Variants in DPP6 observed in about 807,000 individuals in gnomAD.
DPP6 encodes A-type potassium channel modulatory protein DPP6.
In DPP6, 69 loss-of-function variants were observed where a neutral mutation model predicts 122.6. The ratio of observed to expected loss-of-function variants is 0.56; its 90% CI spans 0.46 to 0.69. DPP6 has a LOEUF of 0.69. Among genes scored for constraint, DPP6 ranks in the 30% least tolerant of loss-of-function variants. DPP6 has a pLI of 0.00. For synonymous variants in DPP6, 418 were observed against 433.1 expected, an observed-to-expected ratio of 0.97 and a Z score of 0.43; for missense variants, 928 against 1,116.9, an observed-to-expected ratio of 0.83 and a Z score of 2.41.
At chr7:154,192,339 A>G (rs575477346) in intron 1 of DPP6, among the ~76,000 whole-genome samples, 36 of 152,214 alleles carry the variant, frequency 2.4e-4, no homozygotes, top group South Asian at 8.3e-4. Context: ...CATCCTCCAA[A>G]TCCCACAAAT....
intron 1 of DPP6, among the ~76,000 whole-genome samples, chr7:154,175,145 T>G (rs964526798): frequency 1.3e-5 from 2 of 152,242 alleles, no homozygotes; most frequent in South Asian, 4.1e-4. Flanking sequence ...TACTTAATAC[T>G]GCCCATCACA....
intron 1 of DPP6, among the ~76,000 whole-genome samples, chr7:154,391,317 C>T (rs1009636552): frequency 1.4e-4 from 21 of 149,796 alleles, no homozygotes; most frequent in Admixed American, 4.0e-4. Flanking sequence ...CACCGATGCC[C>T]CTGTACCTCC....
intron 5 of DPP6, among the ~76,000 whole-genome samples, chr7:154,609,590 TGCACAC>T (rs1371030049): frequency 1.3e-5 from 2 of 152,182 alleles, no homozygotes; most frequent in Non-Finnish European, 2.9e-5. Flanking sequence ...CACATGCACA[TGCACAC>T]ACATATACTT....
chr7:154,115,652 C>T lies in DPP6; in HGVS notation c.243+62589C>T, dbSNP rs147130527. Among the ~76,000 whole-genome samples the T allele has an allele frequency of 2.9e-4, 44 of 152,214 alleles. No homozygotes were observed. The East Asian group carries it at 5.6e-3, about 20-fold the overall frequency. On this transcript the variant is annotated intron_variant, in intron 1 of 25. Transcript: ENST00000377770. Reference sequence around the variant, plus strand: ...CTACTGATGACACTTGTACTTGTTGCGGTGTGTCCATTGTAGTGGGAAGAG... The same window carrying T: ...CTACTGATGACACTTGTACTTGTTGTGGTGTGTCCATTGTAGTGGGAAGAG...
chr7:154,198,101 G>A (rs1273279054), intron 1 of DPP6, among the ~76,000 whole-genome samples: 1 of 152,084 alleles, frequency 6.6e-6, no homozygotes, highest in Non-Finnish European at 1.5e-5. Context: ...GCAAACTTAC[G>A]ATCATCCTGG....
intron 1 of DPP6, among the ~76,000 whole-genome samples, chr7:153,923,112 C>G (rs1006988497): frequency 6.6e-6 from 1 of 152,182 alleles, no homozygotes; most frequent in Non-Finnish European, 1.5e-5. Context: ...CCAGCTGCCG[C>G]CAAACAGCCA....
chr7:154,147,272 C>G (rs1796141194), intron 1 of DPP6, among the ~76,000 whole-genome samples: 1 of 152,194 alleles, frequency 6.6e-6, no homozygotes, highest in Non-Finnish European at 1.5e-5. Context: ...TAGCTCACTT[C>G]CTTCCTGCCC....
At chr7:154,516,767 T>G (rs568015942) in intron 3 of DPP6, among the ~76,000 whole-genome samples, 1 of 152,170 alleles carries the variant, frequency 6.6e-6, no homozygotes, top group South Asian at 2.1e-4. Flanking sequence ...ATGGTCAAAC[T>G]TACAAAATCT....
At chr7:154,224,049 G>A (rs1800455387) in intron 1 of DPP6, among the ~76,000 whole-genome samples, 1 of 146,814 alleles carries the variant, frequency 6.8e-6, no homozygotes, top group Non-Finnish European at 1.5e-5. Flanking sequence ...GAGACACACA[G>A]CCTGACTATC....
chr7:154,705,749 C>T (rs371705222), intron 7 of DPP6, among the ~76,000 whole-genome samples: 1 of 152,226 alleles, frequency 6.6e-6, no homozygotes. Context: ...TGGAGGTCAC[C>T]ACTACAGCAG....
At chr7:154,288,276 G>A (rs1014446231) in intron 1 of DPP6, among the ~76,000 whole-genome samples, 1 of 152,216 alleles carries the variant, frequency 6.6e-6, no homozygotes, top group African/African-American at 2.4e-5. Flanking sequence ...GAGGCAGCAG[G>A]TGAGCAGAAG....
At chr7:154,874,542 A>C (rs1342752060) in intron 19 of DPP6, among the ~76,000 whole-genome samples, 1 of 152,196 alleles carries the variant, frequency 6.6e-6, no homozygotes, top group Non-Finnish European at 1.5e-5. Context: ...ATCCAAAAGA[A>C]AACAAAGGCA....
chr7:154,267,239 A>G (rs533678976), intron 1 of DPP6, among the ~76,000 whole-genome samples: 2 of 151,044 alleles, frequency 1.3e-5, no homozygotes, highest in African/African-American at 4.8e-5. Context: ...GATATAATAG[A>G]TTTTCATTTT....
At chr7:154,556,252 T>C (rs73163091) in intron 4 of DPP6, among the ~76,000 whole-genome samples, 23,241 of 152,204 alleles carry the variant, frequency 0.15, 2,052 homozygotes, top group Non-Finnish European at 0.2. Context: ...TACAGAGGCA[T>C]AAAAAATTGA....
intron 16 of DPP6, among the ~76,000 whole-genome samples, chr7:154,822,074 C>T (rs1423147497): frequency 2.6e-5 from 4 of 152,064 alleles, no homozygotes; most frequent in African/African-American, 7.2e-5. Context: ...GTCACATCCT[C>T]GCTCCCTCCT....
At chr7:153,930,523 TATAC>T (rs1394191781) in intron 1 of DPP6, among the ~76,000 whole-genome samples, 2 of 152,228 alleles carry the variant, frequency 1.3e-5, no homozygotes, top group African/African-American at 4.8e-5. Context: ...TGTTTTGAAA[TATAC>T]ATACACTGTG....
At chr7:154,383,224 A>C (rs1813782809) in intron 1 of DPP6, among the ~76,000 whole-genome samples, 1 of 152,234 alleles carries the variant, frequency 6.6e-6, no homozygotes, top group Admixed American at 6.5e-5. Context: ...AACAGGCTGA[A>C]GTGGAAATGT....
At chr7:154,201,940 CAG>C (rs1190420980) in intron 1 of DPP6, among the ~76,000 whole-genome samples, 1 of 152,174 alleles carries the variant, frequency 6.6e-6, no homozygotes, top group Non-Finnish European at 1.5e-5. Context: ...TCTTGTATCA[CAG>C]AGTTACTCCA....
intron 1 of DPP6, among the ~76,000 whole-genome samples, chr7:154,070,528 A>G (rs1241976562): frequency 2.0e-5 from 3 of 152,192 alleles, no homozygotes; most frequent in Non-Finnish European, 4.4e-5. Flanking sequence ...TGCCTCTAAT[A>G]TACATGCTGT....
Sources: allele counts gnomAD v4.1 joint callset (sites outside exome capture counted in the v4.1 genomes callset), GRCh38; gene constraint gnomAD v4.1.1; transcripts MANE v1.5; gene names NCBI Gene and HGNC (gene_info 2026-07-23, HGNC 2026-07-21).